Variants in BRWD1 observed in about 807,000 individuals in gnomAD.
The protein encoded by BRWD1 is bromodomain and WD repeat domain containing 1, also known as bromodomain and WD repeat-containing protein 1.
In BRWD1, 82 loss-of-function variants were observed where a neutral mutation model predicts 251.2. The observed-to-expected ratio is 0.33, with a 90% CI of 0.27 to 0.39. BRWD1 has a LOEUF of 0.39. BRWD1 is among the 10% of genes least tolerant of loss of function. BRWD1 has a pLI of 1.00. For synonymous variants in BRWD1, 918 were observed against 902.8 expected (o/e 1.02, Z -0.30); for missense variants, 2,233 against 2,711.6 (o/e 0.82, Z 3.92).
chr21:39,275,068 T>C (rs1428740899), intron 12 of BRWD1, among the ~76,000 whole-genome samples: 3 of 149,512 alleles, frequency 2.0e-5, no homozygotes, highest in African/African-American at 7.4e-5. Flanking sequence ...TAAATAAGAA[T>C]GCCAAGAAGA....
intron 21 of BRWD1, among the ~76,000 whole-genome samples, chr21:39,241,486 A>AAAAAAAAAAAAAAAAAAAAAAAAAAAAAT: frequency 1.9e-5 from 1 of 51,660 alleles, no homozygotes; most frequent in Non-Finnish European, 4.6e-5. Flanking sequence ...AAAAAAAAAA[A>AAAAAAAAAAAAAAAAAAAAAAAAAAAAAT]AAAAAAAAAA....
At chr21:39,241,608 T>G (rs924465181) in intron 21 of BRWD1, among the ~76,000 whole-genome samples, 7 of 149,660 alleles carry the variant, frequency 4.7e-5, no homozygotes, top group Middle Eastern at 3.5e-3. Flanking sequence ...TAATGTGAAG[T>G]CGTGCATAAC....
At chr21:39,307,663 T>C (rs1001678434) in intron 4 of BRWD1, among the ~76,000 whole-genome samples, 2 of 152,154 alleles carry the variant, frequency 1.3e-5, no homozygotes. Flanking sequence ...GGCTATGACT[T>C]GGAACTTGGG....
chr21:39,184,280 T>C (rs996601282), downstream of BRWD1: 29 of 152,192 alleles, frequency 1.9e-4, no homozygotes, highest in African/African-American at 5.8e-4. Flanking sequence ...GTGTAAAAAA[T>C]AGTGTTTTAA....
intron 4 of BRWD1, among the ~76,000 whole-genome samples, chr21:39,307,340 AATT>A (rs1207667803): frequency 6.6e-6 from 1 of 152,168 alleles, no homozygotes; most frequent in African/African-American, 2.4e-5. Context: ...TTTATTTTGT[AATT>A]TTTTTTACTC....
intron 8 of BRWD1, among the ~76,000 whole-genome samples, chr21:39,281,892 ATG>A (rs35321684): frequency 0.11 from 1,977 of 18,286 alleles, 27 homozygotes; most frequent in African/African-American, 0.26. Context: ...ATATATATAT[ATG>A]TATGTATGTA....
At chr21:39,220,105 G>A (rs1329830629) in intron 29 of BRWD1, among the ~76,000 whole-genome samples, 1 of 151,916 alleles carries the variant, frequency 6.6e-6, no homozygotes, top group African/African-American at 2.4e-5. Context: ...CTATGACTTT[G>A]GGCAAGGGGT....
At chr21:39,272,008 C>CAAAA (rs376900840) in intron 13 of BRWD1, among the ~76,000 whole-genome samples, 9 of 115,144 alleles carry the variant, frequency 7.8e-5, no homozygotes, top group South Asian at 2.9e-4. Context: ...CACTCCATTT[C>CAAAA]AAAAAAAAAA....
rs200768436 is a variant in BRWD1 at position 39,277,366 on chromosome 21, G to T, written c.1004-15C>A. On this transcript the variant is annotated splice_polypyrimidine_tract_variant and intron_variant, in intron 10 of 40. Transcript: ENST00000342449. ...AAACATACCACCTGAAATAAAAATG[G>T]TAAGGTTTAAACATCCAGTTTATAA... 1.0e-5 allele frequency: 16 copies of T among 1,533,084 alleles called. No homozygotes were observed. The Admixed American group carries it at 1.3e-4, about 12-fold the overall frequency. 95.0% of individuals were successfully genotyped at this position (1,533,084 alleles called of 1,614,324 possible). A position where few individuals can be genotyped will look rare whatever the true frequency, so the allele number is the denominator to read the frequency against.
chr21:39,208,896 CTTTAG>C, intron 36 of BRWD1, among the ~76,000 whole-genome samples: 1 of 151,266 alleles, frequency 6.6e-6, no homozygotes, highest in Non-Finnish European at 1.5e-5. Context: ...GTTAACAAAA[CTTTAG>C]TAACCTTCTA....
rs528548238 is a variant in BRWD1 at position 39,296,503 on chromosome 21, G to A, written c.350-140C>T. 6 of 1,259,612 alleles carry A rather than the reference G, an allele frequency of 4.8e-6. No individual in the cohort carries two copies. In the South Asian group the frequency reaches 1.3e-4, roughly 28 times the overall value. 78.0% of individuals were successfully genotyped at this position (1,259,612 alleles called of 1,614,324 possible). A position where few individuals can be genotyped will look rare whatever the true frequency, so the allele number is the denominator to read the frequency against. ...TATACTTTAACAGAAAAGCCCTGGA[G>A]GTTTATTAGACTATTTCTGAAGAAA... On this transcript the variant is annotated intron_variant, in intron 5 of 40. Transcript: ENST00000342449.
chr21:39,295,881 T>C lies in BRWD1; in HGVS notation c.471A>G (p.Gln157=). 1 of 1,601,276 alleles carries C rather than the reference T, an allele frequency of 6.2e-7. No individual in the cohort carries two copies. The highest frequency in any genetic ancestry group is 1.1e-5 in the South Asian group (1 of 88,802). Residue 157 remains glutamine (Q), a synonymous_variant, in exon 7 of 41, where the codon CAA becomes CAG. Transcript: ENST00000342449. ...TACTAAAAGTGGAACACCCTGTGAG[T>C]TGTTTTCCTCGATGTATCTCCACTA... ...PNLVEIHRGK[Q]LTGCSTFSTA... is the part of the protein sequence containing the mutation.
chr21:39,298,328 T>A, intron 5 of BRWD1, 104 bp downstream of exon 5: 2 of 1,387,476 alleles, frequency 1.4e-6, no homozygotes, highest in Non-Finnish European at 1.9e-6. Flanking sequence ...GCATGATTTA[T>A]AGTTACATTA....
At position 39,195,459 on chromosome 21, in the gene BRWD1, C is replaced by A; in HGVS notation, c.*800G>T. 1.0e-6 allele frequency: 1 copy of A among 985,594 alleles called. No individual in the cohort carries two copies. The highest frequency in any genetic ancestry group is 5.2e-4 in the Middle Eastern group (1 of 1,910). 61.1% of individuals were successfully genotyped at this position (985,594 alleles called of 1,614,324 possible). A position where few individuals can be genotyped will look rare whatever the true frequency, so the allele number is the denominator to read the frequency against. On this transcript the variant is annotated 3_prime_UTR_variant, in exon 41 of 41. Coordinates refer to ENST00000342449, the MANE Select transcript of BRWD1 (RefSeq NM_033656.4). ...TTGGTTAAATCCCTTACAATGGAAA[C>A]CAGGAGATCTTGGACAGAAGACAGA...
intron 26 of BRWD1, among the ~76,000 whole-genome samples, chr21:39,228,999 T>C (rs940912176): frequency 6.6e-6 from 1 of 152,214 alleles, no homozygotes; most frequent in Non-Finnish European, 1.5e-5. Context: ...TAGGAAATTA[T>C]TTATTCTGAA....
At chr21:39,264,381 G>T in intron 17 of BRWD1, 79 bp downstream of exon 17, 3 of 855,918 alleles carry the variant, frequency 3.5e-6, no homozygotes, top group Non-Finnish European at 3.4e-6. Context: ...GGATCTAAAG[G>T]TAAGGAAATT....
At chr21:39,270,840 C>G (rs1479241789) in intron 13 of BRWD1, among the ~76,000 whole-genome samples, 2 of 152,178 alleles carry the variant, frequency 1.3e-5, no homozygotes, top group Non-Finnish European at 2.9e-5. Flanking sequence ...TTCATATCCC[C>G]AATGTTTAGA....
At chr21:39,247,369 C>T (rs142436018) in intron 21 of BRWD1, among the ~76,000 whole-genome samples, 1 of 152,326 alleles carries the variant, frequency 6.6e-6, no homozygotes, top group Non-Finnish European at 1.5e-5. Flanking sequence ...TGCATTTGCA[C>T]TTACAGGTTG....
At position 39,186,335 on chromosome 21, in the gene BRWD1, GT is replaced by G. The variant is rs1396807322; in HGVS notation, c.*9923del. On this transcript the variant is annotated 3_prime_UTR_variant, in exon 41 of 41. Coordinates refer to ENST00000342449, the MANE Select transcript of BRWD1 (RefSeq NM_033656.4). ...TTCCCTGAATTAGTCATATCAAGTGGTCATTCAGTATGAACTGCAATATTAT... is the reference window on the plus strand; with the variant it reads ...TTCCCTGAATTAGTCATATCAAGTGGCATTCAGTATGAACTGCAATATTAT... 4 of 152,070 alleles carry G rather than the reference GT, an allele frequency of 2.6e-5. No homozygotes were observed. Among genetic ancestry groups the G allele is most frequent in the African/African-American group, 9.7e-5 (4 of 41,370 alleles). 9.4% of individuals were successfully genotyped at this position (152,070 alleles called of 1,614,324 possible).
Sources: gnomAD v4.1 joint callset for allele counts (sites outside exome capture counted in the v4.1 genomes callset) on GRCh38, gnomAD v4.1.1 for gene constraint, MANE v1.5 for transcripts, NCBI Gene and HGNC (gene_info 2026-07-23, HGNC 2026-07-21) for gene names.